Variants in SGIP1 observed in about 807,000 individuals in gnomAD.
SGIP1 encodes SH3GL interacting endocytic adaptor 1.
SGIP1 carries 38 observed loss-of-function variants against 107.5 expected under a neutral mutation model. The observed-to-expected ratio is 0.35, with a 90% confidence interval of 0.27 to 0.46. The LOEUF (loss-of-function observed/expected upper bound fraction) is 0.46. Ranked by LOEUF, SGIP1 falls within the 20% of genes least tolerant of loss-of-function variation. SGIP1 has a pLI of 1.00. For missense variants in SGIP1, 929 were observed against 1,019.5 expected (o/e 0.91, Z 1.21); for synonymous variants, 365 against 366.1 (o/e 1.00, Z 0.03).
At chr1:66,607,203 C>G (rs1170983451) in intron 1 of SGIP1, among the ~76,000 whole-genome samples, 1 of 152,198 alleles carries the variant, frequency 6.6e-6, no homozygotes, top group Admixed American at 6.5e-5. Context: ...TAACCATAAA[C>G]TTTTCCTCAC....
In SGIP1 at chr1:66,733,897, G is replaced by C; in HGVS notation, c.2031+17G>C. 1 of 1,606,864 alleles carries C rather than the reference G, an allele frequency of 6.2e-7. No homozygotes were observed. The highest frequency in any genetic ancestry group is 8.5e-7 in the Non-Finnish European group (1 of 1,176,402). ...AAATATCAGGTAAGCCTATTTACAT[G>C]ATCGGTATCTCTTCCACATGACATA... On this transcript the variant is annotated intron_variant, in intron 21 of 24. Coordinates refer to ENST00000371037, the MANE Select transcript of SGIP1 (RefSeq NM_032291.4).
intron 1 of SGIP1, among the ~76,000 whole-genome samples, chr1:66,543,161 A>G (rs1379317494): frequency 6.6e-6 from 1 of 152,122 alleles, no homozygotes; most frequent in African/African-American, 2.4e-5. Context: ...AATTTCCACA[A>G]TTTTCTGAGG....
At chr1:66,640,778 TA>T (rs58535961) in intron 5 of SGIP1, among the ~76,000 whole-genome samples, 124 of 141,274 alleles carry the variant, frequency 8.8e-4, no homozygotes, top group Non-Finnish European at 9.5e-4. Flanking sequence ...ACACTTGTAT[TA>T]AAAAAAAAAA....
At chr1:66,545,330 T>C (rs958996739) in intron 1 of SGIP1, among the ~76,000 whole-genome samples, 1 of 152,194 alleles carries the variant, frequency 6.6e-6, no homozygotes, top group Non-Finnish European at 1.5e-5. Flanking sequence ...CTTCTCTATA[T>C]GGAAACAGTC....
chr1:66,688,984 T>A (rs941048480), intron 15 of SGIP1, among the ~76,000 whole-genome samples, 164 bp from the exon 16 acceptor site: 2 of 151,740 alleles, frequency 1.3e-5, no homozygotes, highest in South Asian at 2.1e-4. Context: ...ATTTTTTTTC[T>A]TTATTAAGAA....
At position 66,713,117 on chromosome 1, in the gene SGIP1, T is replaced by G. The variant is rs148010793; in HGVS notation, c.1631-6177T>G. 5.0e-4 allele frequency among the ~76,000 whole-genome samples: 76 copies of G among 152,234 alleles called. No homozygotes were observed. In the East Asian group the frequency reaches 6.0e-3, roughly 12 times the overall value. On this transcript the variant is annotated intron_variant, in intron 18 of 24. Coordinates refer to ENST00000371037, the MANE Select transcript of SGIP1 (RefSeq NM_032291.4). ...GTCAGTGCTTGGTTTGCATCACAGT[T>G]CTGTTTTGATTGTTTACTTGCCAGG...
chr1:66,600,605 T>G (rs2065607278), intron 1 of SGIP1, among the ~76,000 whole-genome samples: 1 of 152,132 alleles, frequency 6.6e-6, no homozygotes, highest in Admixed American at 6.5e-5. Context: ...AAGAGTGTGC[T>G]CAGAAACGAG....
At chr1:66,683,986 G>A (rs944581618) in intron 15 of SGIP1, 12 of 1,429,662 alleles carry the variant, frequency 8.4e-6, no homozygotes, top group African/African-American at 4.3e-5. Flanking sequence ...CAAAGTGCTG[G>A]GATTATAGGC....
chr1:66,620,092 T>G (rs902397033), intron 1 of SGIP1, among the ~76,000 whole-genome samples: 1 of 152,104 alleles, frequency 6.6e-6, no homozygotes, highest in African/African-American at 2.4e-5. Flanking sequence ...TCCCTACAAT[T>G]CCTATCAGCT....
intron 1 of SGIP1, among the ~76,000 whole-genome samples, chr1:66,593,169 C>T (rs2063978239): frequency 6.6e-6 from 1 of 151,986 alleles, no homozygotes; most frequent in Non-Finnish European, 1.5e-5. Flanking sequence ...TCTGGATGTA[C>T]GATGGCTTAT....
intron 1 of SGIP1, among the ~76,000 whole-genome samples, chr1:66,614,124 G>A (rs1287954789): frequency 6.6e-6 from 1 of 152,180 alleles, no homozygotes; most frequent in East Asian, 1.9e-4. Context: ...ATCATTAGTA[G>A]AGCAACAAAT....
At chr1:66,723,610 G>A (rs368541000) in intron 19 of SGIP1, among the ~76,000 whole-genome samples, 1 of 152,068 alleles carries the variant, frequency 6.6e-6, no homozygotes, top group Non-Finnish European at 1.5e-5. Flanking sequence ...TATTTATTCA[G>A]TATCTGTCTT....
At chr1:66,603,713 ATTAG>A (rs1477416066) in intron 1 of SGIP1, among the ~76,000 whole-genome samples, 1 of 152,208 alleles carries the variant, frequency 6.6e-6, no homozygotes, top group Non-Finnish European at 1.5e-5. Context: ...GGAAGAATAA[ATTAG>A]TTAGAAAAAG....
intron 8 of SGIP1, among the ~76,000 whole-genome samples, chr1:66,663,852 A>T (rs943023675): frequency 2.6e-5 from 4 of 152,216 alleles, no homozygotes; most frequent in African/African-American, 9.7e-5. Flanking sequence ...TGGGTGGATT[A>T]ATATATTTGA....
intron 4 of SGIP1, among the ~76,000 whole-genome samples, chr1:66,638,573 G>A (rs902829589): frequency 1.3e-5 from 2 of 152,162 alleles, no homozygotes; most frequent in Admixed American, 6.5e-5. Flanking sequence ...TGCAGTGGTA[G>A]TATATTGGAA....
Position 66,683,700 on chromosome 1 carries a change from C to CTTTTTTTTTTTTTTTTTTTTTT in SGIP1, c.1315+1338_1315+1359dup, listed in dbSNP as rs869266510. ...ACCACACTGTTTGTTTGTTTCTTTT[C>CTTTTTTTTTTTTTTTTTTTTTT]TTTTTTTTTTTTTTTTTTTTTTTTT... On this transcript the variant is annotated intron_variant, in intron 15 of 24. Transcript: ENST00000371037. Among the ~76,000 whole-genome samples, 49 of 61,392 alleles carry CTTTTTTTTTTTTTTTTTTTTTT rather than the reference C, an allele frequency of 8.0e-4. 11 individuals are homozygous for CTTTTTTTTTTTTTTTTTTTTTT. The highest frequency in any genetic ancestry group is 2.2e-3 in the East Asian group (2 of 908). The allele number at this position is 61,392 out of a possible 152,430, so 40.3% of individuals were successfully genotyped here. A position where few individuals can be genotyped will look rare whatever the true frequency, so the allele number is the denominator to read the frequency against.
At chr1:66,576,599 T>C (rs993291983) in intron 1 of SGIP1, among the ~76,000 whole-genome samples, 1 of 152,176 alleles carries the variant, frequency 6.6e-6, no homozygotes, top group Non-Finnish European at 1.5e-5. Flanking sequence ...TATTAATACA[T>C]ATCTCAAGAT....
At chr1:66,677,188 T>C (rs2149925091) in intron 13 of SGIP1, 92 bp downstream of exon 13, 8 of 968,708 alleles carry the variant, frequency 8.3e-6, no homozygotes, top group Admixed American at 4.0e-5. Flanking sequence ...AAAAAGTCTA[T>C]GTAAGCAACA....
intron 23 of SGIP1, 128 bp downstream of exon 23, chr1:66,740,850 C>T: frequency 1.6e-6 from 1 of 644,304 alleles, no homozygotes; most frequent in East Asian, 2.8e-5. Flanking sequence ...TTTGCGTTTA[C>T]TTATTTCAAT....
Sources: allele counts gnomAD v4.1 joint callset (sites outside exome capture counted in the v4.1 genomes callset), GRCh38; gene constraint gnomAD v4.1.1; transcripts MANE v1.5; gene names NCBI Gene and HGNC (gene_info 2026-07-23, HGNC 2026-07-21).